The following KRIT1 variants were observed in gnomAD, a reference collection of about 807,000 sequenced individuals.
The protein encoded by KRIT1 is krev interaction trapped protein 1.
KRIT1 carries 45 observed loss-of-function variants against 95.8 expected under a neutral mutation model. That is an observed-to-expected ratio of 0.47 (90% CI 0.37 to 0.60). KRIT1 has a LOEUF of 0.60. Among genes scored for constraint, KRIT1 ranks in the 20% least tolerant of loss-of-function variants. KRIT1 has a pLI of 0.00. For missense variants in KRIT1, 788 were observed against 877.5 expected (o/e 0.90, Z 1.29); for synonymous variants, 282 against 278.8 (o/e 1.01, Z -0.11).
At chr7:92,239,195 C>T (rs777837921) in intron 5 of KRIT1, among the ~76,000 whole-genome samples, 1 of 152,114 alleles carries the variant, frequency 6.6e-6, no homozygotes, top group Admixed American at 6.5e-5. Context: ...ATATGTTTCA[C>T]GGTGACTGTC....
chr7:92,228,888 C>A (rs1796724660), intron 10 of KRIT1, among the ~76,000 whole-genome samples: 2 of 152,120 alleles, frequency 1.3e-5, no homozygotes, highest in African/African-American at 4.8e-5. Context: ...GTCTCCAGCT[C>A]CATCCATGGT....
Position 92,226,696 on chromosome 7 carries a change from C to A in KRIT1, c.990-14G>T. On this transcript the variant is annotated splice_polypyrimidine_tract_variant and intron_variant, in intron 10 of 18. Transcript: ENST00000394505. The stretch of plus-strand genomic sequence containing the variant: ...ACTTTTCCATACCTGTATAAAAAAA[C>A]AAACAAACAAAAAACAACAACAAAA... 1.2e-6 allele frequency: 2 copies of A among 1,609,570 alleles called. No homozygotes were observed. Among genetic ancestry groups the A allele is most frequent in the Non-Finnish European group, 8.5e-7 (1 of 1,177,658 alleles).
chr7:92,222,826 G>C lies in KRIT1; in HGVS notation c.1407C>G (p.Asn469Lys). The change falls in exon 13 of 19, where the codon AAC becomes AAG. Residue 469 changes from asparagine (N) to lysine (K), a missense_variant. Around this residue, in one of 3 missense-constraint regions of KRIT1, gnomAD observed 493 missense variants for 582.3 expected, o/e 0.85. Coordinates refer to ENST00000394505, the MANE Select transcript of KRIT1 (RefSeq NM_194454.3). ...ACATAATAAAAACTTTCTTACTGAG[G>C]TTTTCTGAACAAATCCATATAGTGA... ...QYFTIWICSE[N>K]LSLQLKPYHK... is the part of the protein sequence containing the mutation. The C allele has an allele frequency of 6.3e-7, 1 of 1,599,802 alleles. No individual in the cohort carries two copies. Among genetic ancestry groups the C allele is most frequent in the South Asian group, 1.1e-5 (1 of 90,784 alleles).
rs181628608 is a variant in KRIT1 at position 92,228,954 on chromosome 7, T to C, written c.990-2272A>G. The stretch of plus-strand genomic sequence containing the variant: ...TGGCTGCATAGTATTCCATGATGTA[T>C]ACATACCACATTTTCTTTAACCAAT... On this transcript the variant is annotated intron_variant, in intron 10 of 18. Coordinates refer to ENST00000394505, the MANE Select transcript of KRIT1 (RefSeq NM_194454.3). Among the ~76,000 whole-genome samples the C allele has an allele frequency of 2.1e-3, 326 of 152,356 alleles. 4 individuals carry two copies. The highest frequency in any genetic ancestry group is 7.2e-3 in the African/African-American group (300 of 41,586).
intron 17 of KRIT1, among the ~76,000 whole-genome samples, chr7:92,201,876 C>G (rs1469910690): frequency 6.6e-6 from 1 of 152,166 alleles, no homozygotes; most frequent in Non-Finnish European, 1.5e-5. Flanking sequence ...CCGCACTAAC[C>G]TCACACAGCC....
chr7:92,223,414 G>A (rs1275767438), intron 12 of KRIT1, among the ~76,000 whole-genome samples: 3 of 146,804 alleles, frequency 2.0e-5, no homozygotes, highest in Admixed American at 6.9e-5. Context: ...CTGCACTCCA[G>A]CCTGGGTGAC....
chr7:92,226,513 G>A lies in KRIT1; in HGVS notation c.1146+13C>T. On this transcript the variant is annotated intron_variant, in intron 11 of 18. Transcript: ENST00000394505. ...CTTGAATATTATTTTTAAAAACCTG[G>A]AAAATAACTTACTCTATCCGTTTCT... 6.3e-7 allele frequency: 1 copy of A among 1,597,332 alleles called. No individual in the cohort carries two copies. The highest frequency in any genetic ancestry group is 8.6e-7 in the Non-Finnish European group (1 of 1,165,206).
At chr7:92,237,821 C>A in intron 5 of KRIT1, 62 bp from the exon 6 acceptor site, 1 of 858,474 alleles carries the variant, frequency 1.2e-6, no homozygotes, top group South Asian at 1.4e-5. Context: ...TATAAATTAC[C>A]TTGAGAATTA....
At chr7:92,210,911 A>G (rs1455331662) in intron 17 of KRIT1, among the ~76,000 whole-genome samples, 1 of 152,230 alleles carries the variant, frequency 6.6e-6, no homozygotes, top group Non-Finnish European at 1.5e-5. Context: ...ACAAATGGCC[A>G]AGAAGTATAT....
chr7:92,209,210 C>T (rs1198103914), intron 17 of KRIT1, among the ~76,000 whole-genome samples: 2 of 151,586 alleles, frequency 1.3e-5, no homozygotes, highest in East Asian at 3.9e-4. Flanking sequence ...CAATAAAGGC[C>T]ATACATATAT....
At chr7:92,233,440 C>T (rs183362134) in intron 10 of KRIT1, among the ~76,000 whole-genome samples, 1 of 147,038 alleles carries the variant, frequency 6.8e-6, no homozygotes, top group Admixed American at 6.9e-5. Flanking sequence ...TGGAATCTCA[C>T]TCTGTCACCA....
At chr7:92,204,427 GC>G (rs1328378466) in intron 17 of KRIT1, among the ~76,000 whole-genome samples, 1 of 151,884 alleles carries the variant, frequency 6.6e-6, no homozygotes, top group East Asian at 1.9e-4. Flanking sequence ...GATGATTCAA[GC>G]CCATTTTATT....
intron 17 of KRIT1, chr7:92,206,397 C>A (rs955328068): frequency 6.6e-6 from 1 of 152,390 alleles, no homozygotes; most frequent in Non-Finnish European, 1.5e-5. Flanking sequence ...GAGTCACAGT[C>A]CCCAGAAAAG....
At chr7:92,235,779 G>C (rs917458702) in intron 7 of KRIT1, 133 bp from the exon 8 acceptor site, 1 of 793,562 alleles carries the variant, frequency 1.3e-6, no homozygotes, top group African/African-American at 1.8e-5. Context: ...TTTAGTGTTA[G>C]TTAAGTACTT....
At chr7:92,233,161 TAC>T (rs139965359) in intron 10 of KRIT1, among the ~76,000 whole-genome samples, 31,636 of 149,244 alleles carry the variant, frequency 0.21, 3,422 homozygotes, top group East Asian at 0.35. Context: ...GATCTTTTTA[TAC>T]ACACACACAC....
At chr7:92,220,032 C>A (rs1443082197) in intron 14 of KRIT1, among the ~76,000 whole-genome samples, 1 of 152,132 alleles carries the variant, frequency 6.6e-6, no homozygotes, top group Non-Finnish European at 1.5e-5. Context: ...TTGGGAGTTC[C>A]TATGTATACG....
chr7:92,232,439 A>C (rs1343058290), intron 10 of KRIT1, among the ~76,000 whole-genome samples: 3 of 152,056 alleles, frequency 2.0e-5, no homozygotes, highest in African/African-American at 7.2e-5. Flanking sequence ...GTACATTCCA[A>C]AGCATATTAA....
In KRIT1 at chr7:92,221,873, A is replaced by G. The variant is rs769314278; in HGVS notation, c.1563+29T>C. ...AACTCAACAGATTTTGTGCATTTAAATAACTGTAAATAAGATTTCCAAGCA... is the reference window on the plus strand; with the variant it reads ...AACTCAACAGATTTTGTGCATTTAAGTAACTGTAAATAAGATTTCCAAGCA... On this transcript the variant is annotated intron_variant, in intron 14 of 18. Transcript: ENST00000394505. The G allele has an allele frequency of 1.9e-5, 30 of 1,599,242 alleles. No homozygotes were observed. The African/African-American group carries it at 3.6e-4, about 19-fold the overall frequency.
At chr7:92,243,815 C>G (rs957113588) in intron 3 of KRIT1, among the ~76,000 whole-genome samples, 187 bp downstream of exon 3, 2 of 151,888 alleles carry the variant, frequency 1.3e-5, no homozygotes, top group East Asian at 3.9e-4. Context: ...AATTCTAAAA[C>G]TTTCCATTGA....
Sources: gnomAD v4.1 joint callset for allele counts (sites outside exome capture counted in the v4.1 genomes callset) on GRCh38, gnomAD v4.1.1 for gene constraint, gnomAD v4.1.1 regional missense constraint, MANE v1.5 for transcripts, NCBI Gene and HGNC (gene_info 2026-07-23, HGNC 2026-07-21) for gene names.